Variants in PCP4 observed in about 807,000 individuals in gnomAD.
PCP4 encodes the protein Purkinje cell protein 4.
Under a neutral mutation model 10.0 loss-of-function variants are expected in PCP4, and 8 were observed. That is an observed-to-expected ratio of 0.80 (90% CI 0.47 to 1.45). PCP4 has a LOEUF of 1.45. PCP4 is among the 40% of genes most tolerant of loss of function. The pLI is 0.00. For missense variants in PCP4, 54 were observed against 74.4 expected, an observed-to-expected ratio of 0.73 and a Z score of 1.01; for synonymous variants, 21 against 23.0, an observed-to-expected ratio of 0.91 and a Z score of 0.24.
At chr21:39,918,728 C>G (rs1488833513) in intron 2 of PCP4, among the ~76,000 whole-genome samples, 2 of 152,170 alleles carry the variant, frequency 1.3e-5, no homozygotes, top group African/African-American at 4.8e-5. Flanking sequence ...ATTCTCCGCA[C>G]CAGCAGCCCC....
At chr21:39,928,802 T>A (rs2087637134) in intron 2 of PCP4, among the ~76,000 whole-genome samples, 182 bp from the exon 3 acceptor site, 1 of 152,132 alleles carries the variant, frequency 6.6e-6, no homozygotes, top group African/African-American at 2.4e-5. Flanking sequence ...TGGTAGATTC[T>A]GAGCTCTGTC....
At chr21:39,910,602 C>G (rs764113173) in intron 2 of PCP4, among the ~76,000 whole-genome samples, 6 of 152,158 alleles carry the variant, frequency 3.9e-5, no homozygotes, top group Non-Finnish European at 8.8e-5. Flanking sequence ...GAAGGTTCCT[C>G]CCAGGTAACT....
At position 39,929,188 on chromosome 21, in the gene PCP4, C is replaced by G; in HGVS notation, c.*77C>G. Reference sequence around the variant, plus strand: ...TGTCAAGAAATTAAAAGAACAACACCCTAGAGAGAAGTCATCCACACACAA... The same window carrying G: ...TGTCAAGAAATTAAAAGAACAACACGCTAGAGAGAAGTCATCCACACACAA... On this transcript the variant is annotated 3_prime_UTR_variant, in exon 3 of 3. Coordinates refer to ENST00000328619, the MANE Select transcript of PCP4 (RefSeq NM_006198.3). 1 of 1,453,838 alleles carries G rather than the reference C, an allele frequency of 6.9e-7. No homozygotes were observed. The highest frequency in any genetic ancestry group is 1.4e-5 in the African/African-American group (1 of 70,570). 90.1% of individuals were successfully genotyped at this position (1,453,838 alleles called of 1,614,324 possible).
chr21:39,910,593 A>G (rs2087534953), intron 2 of PCP4, among the ~76,000 whole-genome samples: 1 of 152,164 alleles, frequency 6.6e-6, no homozygotes, highest in African/African-American at 2.4e-5. Context: ...AAGTGCTTTG[A>G]AGGTTCCTCC....
intron 1 of PCP4, among the ~76,000 whole-genome samples, chr21:39,879,624 A>G (rs556659500): frequency 2.0e-5 from 3 of 152,312 alleles, no homozygotes; most frequent in Non-Finnish European, 2.9e-5. Context: ...CTGGCTCCTT[A>G]ATGCCCCCAT....
At chr21:39,891,001 T>C (rs1359678779) in intron 1 of PCP4, among the ~76,000 whole-genome samples, 2 of 152,206 alleles carry the variant, frequency 1.3e-5, no homozygotes, top group Admixed American at 1.3e-4. Context: ...TTGATGATGT[T>C]GCACAGCTCC....
chr21:39,888,339 A>G (rs1406633293), intron 1 of PCP4, among the ~76,000 whole-genome samples: 1 of 152,226 alleles, frequency 6.6e-6, no homozygotes, highest in Non-Finnish European at 1.5e-5. Context: ...AGGACTCAGG[A>G]ACAAATACTT....
At chr21:39,891,171 CT>C (rs1379023312) in intron 1 of PCP4, among the ~76,000 whole-genome samples, 4 of 152,072 alleles carry the variant, frequency 2.6e-5, no homozygotes, top group Admixed American at 6.5e-5. Flanking sequence ...GATTTTGCAA[CT>C]TAGTGAAAAA....
intron 1 of PCP4, among the ~76,000 whole-genome samples, chr21:39,895,017 A>AT (rs2087450233): frequency 1.3e-5 from 2 of 152,024 alleles, no homozygotes; most frequent in Admixed American, 1.3e-4. Context: ...CCGTCCACCC[A>AT]TTTATCTACT....
chr21:39,902,021 C>T (rs2087484253), intron 2 of PCP4, among the ~76,000 whole-genome samples: 1 of 152,076 alleles, frequency 6.6e-6, no homozygotes, highest in Admixed American at 6.5e-5. Context: ...CTTGGAATTT[C>T]CATTTTAACC....
chr21:39,904,245 T>G (rs2087495954), intron 2 of PCP4, among the ~76,000 whole-genome samples: 1 of 152,108 alleles, frequency 6.6e-6, no homozygotes, highest in Non-Finnish European at 1.5e-5. Flanking sequence ...CCCCTGGCCC[T>G]TTGTGGCTCC....
intron 2 of PCP4, among the ~76,000 whole-genome samples, chr21:39,922,731 A>C (rs550394270): frequency 1.3e-5 from 2 of 152,340 alleles, no homozygotes; most frequent in African/African-American, 4.8e-5. Flanking sequence ...GAGAAAGGGC[A>C]ATGTGACAGG....
chr21:39,897,423 T>C (rs2087462309), intron 1 of PCP4, among the ~76,000 whole-genome samples: 1 of 151,344 alleles, frequency 6.6e-6, no homozygotes, highest in African/African-American at 2.4e-5. Context: ...CTTTATAAGC[T>C]TTTCAATCCT....
At chr21:39,874,699 C>T (rs1157282979) in intron 1 of PCP4, among the ~76,000 whole-genome samples, 3 of 136,786 alleles carry the variant, frequency 2.2e-5, no homozygotes, top group Admixed American at 7.3e-5. Flanking sequence ...AGCATCTGTT[C>T]ATCAGGTGGT....
chr21:39,912,023 G>C (rs1237775131), intron 2 of PCP4, among the ~76,000 whole-genome samples: 1 of 152,190 alleles, frequency 6.6e-6, no homozygotes, highest in East Asian at 1.9e-4. Context: ...CCTCAGTTCA[G>C]CTTAAAATGA....
chr21:39,911,922 C>T (rs1229935795), intron 2 of PCP4, among the ~76,000 whole-genome samples: 2 of 152,170 alleles, frequency 1.3e-5, no homozygotes, highest in Non-Finnish European at 2.9e-5. Flanking sequence ...AACTATAAAA[C>T]GTTGCCAATT....
intron 2 of PCP4, among the ~76,000 whole-genome samples, chr21:39,911,379 G>A (rs1196405768): frequency 6.6e-6 from 1 of 152,154 alleles, no homozygotes; most frequent in Non-Finnish European, 1.5e-5. Flanking sequence ...TGTAGCATAT[G>A]TCCAGTTTAG....
rs1370936823 is a variant in PCP4 at position 39,887,247 on chromosome 21, G to T, written c.10-11229G>T. ...TTTGAGGCAGAATTTCAGCCTTTGG[G>T]TCTTCCAGAGGTGAGAATGAAAGAA... On this transcript the variant is annotated intron_variant, in intron 1 of 2. Coordinates refer to ENST00000328619, the MANE Select transcript of PCP4 (RefSeq NM_006198.3). Among the ~76,000 whole-genome samples, 3 of 152,080 alleles carry T rather than the reference G, an allele frequency of 2.0e-5. No individual in the cohort carries two copies. The East Asian group carries it at 5.8e-4, about 29-fold the overall frequency.
chr21:39,907,192 A>G (rs2087515810), intron 2 of PCP4, among the ~76,000 whole-genome samples: 1 of 152,102 alleles, frequency 6.6e-6, no homozygotes, highest in Non-Finnish European at 1.5e-5. Flanking sequence ...CAAAGAGTAG[A>G]TCTCCCTCTC....
Sources: allele counts gnomAD v4.1 joint callset (sites outside exome capture counted in the v4.1 genomes callset), GRCh38; gene constraint gnomAD v4.1.1; transcripts MANE v1.5; gene names NCBI Gene and HGNC (gene_info 2026-07-23, HGNC 2026-07-21).